The following KANK1 variants were observed in gnomAD, a reference collection of about 807,000 sequenced individuals.
KANK1 encodes the protein KN motif and ankyrin repeat domain-containing protein 1.
In KANK1, 109 loss-of-function variants were observed where a neutral mutation model predicts 106.2. That is an observed-to-expected ratio of 1.03 (90% confidence interval 0.88 to 1.20). The LOEUF (loss-of-function observed/expected upper bound fraction) is 1.20, where lower values mean the gene tolerates loss of function less well. KANK1 is among the 50% of genes most tolerant of loss of function. The pLI, the probability that KANK1 is intolerant of heterozygous loss-of-function variation, is 0.00. For missense variants in KANK1, 2,399 were observed against 1,710.7 expected (o/e 1.40, Z -7.10); for synonymous variants, 873 against 652.2 (o/e 1.34, Z -5.16).
chr9:713,140 G>A lies in KANK1; in HGVS notation c.2374G>A (p.Ala792Thr), dbSNP rs2130977025. ...GPPQLTVGLT[A>T]SRRSVGVGDD... Reference sequence around the variant, plus strand: ...ACCACAGTTGACTGTGGGGCTGACAGCCAGCAGAAGGAGCGTGGGGGTTGG... The same window carrying A: ...ACCACAGTTGACTGTGGGGCTGACAACCAGCAGAAGGAGCGTGGGGGTTGG... Residue 792 changes from alanine (A) to threonine (T), a missense_variant, in exon 3 of 12, where the codon GCC becomes ACC. By Grantham distance (58) the Ala-to-Thr change is moderately conservative. Transcript: ENST00000382297. 2.5e-6 allele frequency: 4 copies of A among 1,597,210 alleles called. No homozygotes were observed. Among genetic ancestry groups the A allele is most frequent in the Non-Finnish European group, 3.4e-6 (4 of 1,169,792 alleles).
chr9:690,703 A>T (rs1372635894), intron 2 of KANK1, among the ~76,000 whole-genome samples: 2 of 152,216 alleles, frequency 1.3e-5, no homozygotes, highest in African/African-American at 4.8e-5. Context: ...TCTTATCTCT[A>T]GACTAATGGA....
chr9:633,893 C>T (rs1287428378), intron 1 of KANK1, among the ~76,000 whole-genome samples: 1 of 152,210 alleles, frequency 6.6e-6, no homozygotes, highest in Admixed American at 6.5e-5. Flanking sequence ...TCAAGTGATC[C>T]TCTGGCCTCA....
intron 1 of KANK1, among the ~76,000 whole-genome samples, chr9:656,327 C>G (rs924236048): frequency 2.6e-5 from 4 of 152,166 alleles, no homozygotes; most frequent in Non-Finnish European, 4.4e-5. Flanking sequence ...TCTGTGGAAT[C>G]TGTTTCCCCT....
chr9:674,717 G>T (rs1816023955), intron 1 of KANK1, among the ~76,000 whole-genome samples: 1 of 151,994 alleles, frequency 6.6e-6, no homozygotes, highest in Non-Finnish European at 1.5e-5. Context: ...TTTTAGTTTT[G>T]TTTTTTGAGA....
chr9:542,055 C>G (rs909408247), intron 1 of KANK1, among the ~76,000 whole-genome samples: 4 of 151,648 alleles, frequency 2.6e-5, no homozygotes, highest in Admixed American at 6.6e-5. Context: ...CGCCACTGCA[C>G]TCCAGCCTGG....
chr9:595,860 A>G (rs1826086822), intron 1 of KANK1, among the ~76,000 whole-genome samples: 1 of 151,878 alleles, frequency 6.6e-6, no homozygotes, highest in African/African-American at 2.4e-5. Flanking sequence ...AAGAATTATT[A>G]ATTTCCACAG....
At chr9:728,287 C>T (rs770577202) in intron 3 of KANK1, among the ~76,000 whole-genome samples, 1 of 149,334 alleles carries the variant, frequency 6.7e-6, no homozygotes, top group Non-Finnish European at 1.5e-5. Context: ...CAACCTCCAC[C>T]TCCGGGTTCG....
chr9:666,684 A>G (rs763683861), intron 1 of KANK1, among the ~76,000 whole-genome samples: 7 of 152,100 alleles, frequency 4.6e-5, no homozygotes, highest in Non-Finnish European at 7.3e-5. Flanking sequence ...ACTTTTCAGC[A>G]CTTATTGAAA....
At chr9:638,378 T>C (rs1837627072) in intron 1 of KANK1, among the ~76,000 whole-genome samples, 2 of 152,346 alleles carry the variant, frequency 1.3e-5, no homozygotes, top group South Asian at 4.1e-4. Context: ...TTTCTCTTCC[T>C]ACATGGGTCC....
chr9:492,800 G>T (rs1026498485), intron 3 of KANK1, among the ~76,000 whole-genome samples: 1 of 151,916 alleles, frequency 6.6e-6, no homozygotes, highest in African/African-American at 2.4e-5. Flanking sequence ...CGAGGCGGGT[G>T]GATCACCTGA....
chr9:471,009 G>A (rs955998889), intron 2 of KANK1: 5 of 152,190 alleles, frequency 3.3e-5, no homozygotes, highest in African/African-American at 1.2e-4. Flanking sequence ...TAATGCCAGG[G>A]TTATTGTTTT....
chr9:729,899 T>A, intron 3 of KANK1, 152 bp from the exon 4 acceptor site: 1 of 652,890 alleles, frequency 1.5e-6, no homozygotes, highest in South Asian at 2.0e-5. Context: ...GCTAATGAAA[T>A]CAGGAAAGCT....
At chr9:705,067 C>A (rs897847916) in intron 2 of KANK1, among the ~76,000 whole-genome samples, 1 of 148,550 alleles carries the variant, frequency 6.7e-6, no homozygotes, top group Non-Finnish European at 1.5e-5. Context: ...GAATAAAAAT[C>A]ATCTATAATT....
Position 712,437 on chromosome 9 carries a change from T to A in KANK1, c.1671T>A (p.Asn557Lys). The A allele has an allele frequency of 6.2e-7, 1 of 1,614,086 alleles. No individual in the cohort carries two copies. ...VGISCQPECK[N>K]KVVGPELPMN... is the part of the protein sequence containing the mutation. ...TCTCCTGCCAGCCTGAATGTAAGAA[T>A]AAAGTCGTAGGGCCTGAGCTGCCTA... The change falls in exon 3 of 12, where the codon AAT becomes AAA. Residue 557 changes from asparagine to lysine, a missense_variant. Physicochemically the swap from Asn to Lys is moderately conservative, Grantham distance 94 (BLOSUM62 0). Transcript: ENST00000382297.
intron 1 of KANK1, among the ~76,000 whole-genome samples, chr9:529,853 C>G (rs1587546539): frequency 6.6e-6 from 1 of 152,230 alleles, no homozygotes; most frequent in African/African-American, 2.4e-5. Context: ...ACAGATGTTA[C>G]TCCAGCTGCC....
chr9:690,037 C>T (rs1819492160), intron 2 of KANK1, among the ~76,000 whole-genome samples: 1 of 149,266 alleles, frequency 6.7e-6, no homozygotes, highest in African/African-American at 2.5e-5. Context: ...CCTGTAATCC[C>T]AGCACTTTGG....
chr9:661,963 G>A (rs1843423213), intron 1 of KANK1, among the ~76,000 whole-genome samples: 2 of 152,246 alleles, frequency 1.3e-5, no homozygotes, highest in Admixed American at 6.5e-5. Context: ...CCCACTTTTT[G>A]ATGGGGTTGT....
At chr9:679,087 C>T (rs1816988698) in intron 2 of KANK1, among the ~76,000 whole-genome samples, 1 of 152,190 alleles carries the variant, frequency 6.6e-6, no homozygotes, top group South Asian at 2.1e-4. Context: ...CACCTGGTAT[C>T]CTGCCTAACA....
intron 3 of KANK1, among the ~76,000 whole-genome samples, chr9:491,114 C>A (rs2058371411): frequency 1.3e-5 from 2 of 151,944 alleles, no homozygotes; most frequent in South Asian, 4.2e-4. Context: ...CATGTGTTAC[C>A]ATGCCCCATC....
Sources: allele counts gnomAD v4.1 joint callset (sites outside exome capture counted in the v4.1 genomes callset), GRCh38; gene constraint gnomAD v4.1.1; transcripts MANE v1.5; gene names NCBI Gene and HGNC (gene_info 2026-07-23, HGNC 2026-07-21).